CR2: variants seen among roughly 807,000 people sequenced by gnomAD.
CR2 encodes the protein complement C3d receptor 2, also known as complement receptor type 2.
In CR2, 96 loss-of-function variants were observed where a neutral mutation model predicts 123.0. The observed-to-expected ratio is 0.78, with a 90% CI of 0.66 to 0.93. The LOEUF is 0.93. Among genes scored for constraint, CR2 ranks in the 40% least tolerant of loss-of-function variants. The pLI is 0.00. For synonymous variants in CR2, 484 were observed against 469.5 expected, an observed-to-expected ratio of 1.03 and a Z score of -0.40; for missense variants, 1,258 against 1,361.0, an observed-to-expected ratio of 0.92 and a Z score of 1.19.
intron 1 of CR2, among the ~76,000 whole-genome samples, chr1:207,465,397 A>AT (rs1449159243): frequency 2.1e-5 from 2 of 96,536 alleles, no homozygotes; most frequent in Non-Finnish European, 4.4e-5. Flanking sequence ...ATGATTAGAG[A>AT]TTTTTTCATA....
At position 207,468,566 on chromosome 1, in the gene CR2, A is replaced by G. The variant is rs190990627; in HGVS notation, c.485A>G (p.Asn162Ser). Reference sequence around the variant, plus strand: ...TGTCCAGCACTTCCTATGATCCACAATGGACATCACACAAGTGAGAATGTT... The same window carrying G: ...TGTCCAGCACTTCCTATGATCCACAGTGGACATCACACAAGTGAGAATGTT... ...LECPALPMIH[N>S]GHHTSENVGS... Residue 162 changes from asparagine to serine, a missense_variant, in exon 3 of 20, where the codon AAT becomes AGT. By Grantham distance (46) the Asn-to-Ser change is conservative (BLOSUM62 1). Transcript: ENST00000367057. 31 of 1,613,972 alleles carry G rather than the reference A, an allele frequency of 1.9e-5. No individual in the cohort carries two copies. The South Asian group carries it at 2.3e-4, about 12-fold the overall frequency.
At chr1:207,471,385 A>G (rs754918247) in intron 8 of CR2, 38 bp from the exon 9 acceptor site, 4 of 1,498,642 alleles carry the variant, frequency 2.7e-6, no homozygotes, top group South Asian at 1.1e-5. Context: ...CTTAATGGTC[A>G]CCTGATGGCA....
At chr1:207,467,533 A>G (rs1658136414) in intron 2 of CR2, among the ~76,000 whole-genome samples, 1 of 152,202 alleles carries the variant, frequency 6.6e-6, no homozygotes, top group Admixed American at 6.5e-5. Flanking sequence ...GAATTCCACA[A>G]TTACAAGAAA....
At chr1:207,464,896 T>TA (rs1344679576) in intron 1 of CR2, among the ~76,000 whole-genome samples, 3 of 152,082 alleles carry the variant, frequency 2.0e-5, no homozygotes, top group African/African-American at 7.2e-5. Flanking sequence ...GTTTTCTAGT[T>TA]AAAGAGTTTT....
intron 1 of CR2, among the ~76,000 whole-genome samples, chr1:207,464,445 A>T (rs1658042777): frequency 6.6e-6 from 1 of 152,168 alleles, no homozygotes; most frequent in African/African-American, 2.4e-5. Context: ...CAGCAGGGAG[A>T]GGGGTTTGCT....
intron 1 of CR2, among the ~76,000 whole-genome samples, chr1:207,458,059 A>AACACACACACAC (rs59735642): frequency 0.21 from 25,385 of 122,256 alleles, 3,091 homozygotes; most frequent in East Asian, 0.25. Flanking sequence ...TCAAGGCCAC[A>AACACACACACAC]ACACACACAC....
intron 16 of CR2, among the ~76,000 whole-genome samples, chr1:207,478,409 C>T (rs1658501970): frequency 6.7e-6 from 1 of 149,750 alleles, no homozygotes; most frequent in African/African-American, 2.5e-5. Context: ...GCACCTGTGG[C>T]CCCAGCTACT....
At chr1:207,474,413 GTCT>G in intron 13 of CR2, 90 bp downstream of exon 13, 6 of 937,500 alleles carry the variant, frequency 6.4e-6, no homozygotes, top group Non-Finnish European at 1.1e-5. Flanking sequence ...TGCTTCAGCA[GTCT>G]TAGGCGTCTC....
chr1:207,479,867 G>A, intron 17 of CR2, 111 bp from the exon 18 acceptor site: 1 of 788,438 alleles, frequency 1.3e-6, no homozygotes, highest in Non-Finnish European at 2.3e-6. Context: ...GAAGAGTTAA[G>A]TATGAGTCAC....
At position 207,475,102 on chromosome 1, in the gene CR2, A is replaced by G. The variant is rs1346833040; in HGVS notation, c.2602A>G (p.Asn868Asp). The G allele has an allele frequency of 6.2e-7, 1 of 1,612,488 alleles. No homozygotes were observed. Among genetic ancestry groups the G allele is most frequent in the South Asian group, 1.1e-5 (1 of 90,874 alleles). The change falls in exon 14 of 20, where the codon AAT (asparagine) becomes GAT (aspartate). Residue 868 changes from asparagine to aspartate, a missense_variant. By Grantham distance (23) the Asn-to-Asp change is conservative (BLOSUM62 1). Coordinates refer to ENST00000367057, the MANE Select transcript of CR2 (RefSeq NM_001006658.3). ...TAAAACACATTCTGCATATTCCCAC[A>G]ATGACATAGTGTATGTTGACTGCAA... ...LNKTHSAYSH[N>D]DIVYVDCNPG...
Position 207,488,312 on chromosome 1 carries a change from T to G in CR2, c.*19-830T>G, listed in dbSNP as rs796561943. The stretch of plus-strand genomic sequence containing the variant: ...AGCTCATGCCTGAGTTTAAACTGCT[T>G]TCTCCTACATAATCTAGAAAATAAA... On this transcript the variant is annotated intron_variant, in intron 19 of 19. Coordinates refer to ENST00000367057, the MANE Select transcript of CR2 (RefSeq NM_001006658.3). Among the ~76,000 whole-genome samples the G allele has an allele frequency of 5.3e-5, 8 of 152,314 alleles. 1 individual carries two copies. Among genetic ancestry groups the G allele is most frequent in the African/African-American group, 1.9e-4 (8 of 41,570 alleles).
In CR2 at chr1:207,470,043, A is replaced by G. The variant is rs778240499; in HGVS notation, c.1166A>G (p.Lys389Arg). 4 of 1,613,904 alleles carry G rather than the reference A, an allele frequency of 2.5e-6. No homozygotes were observed. The African/African-American group carries it at 5.3e-5, about 22-fold the overall frequency. The stretch of plus-strand genomic sequence containing the variant: ...TTTGGCTTCACCTTGAAGGGCAGCA[A>G]GCAAATCCGATGCAATGCCCAAGGC... ...CMFGFTLKGS[K>R]QIRCNAQGTW... Residue 389 changes from lysine to arginine, a missense_variant, in exon 6 of 20, where the codon AAG (lysine) becomes AGG (arginine). Lys to Arg is a conservative substitution (Grantham distance 26, BLOSUM62 2). Transcript: ENST00000367057.
At chr1:207,478,294 A>T (rs1457171794) in intron 16 of CR2, among the ~76,000 whole-genome samples, 1 of 152,002 alleles carries the variant, frequency 6.6e-6, no homozygotes, top group Admixed American at 6.6e-5. Flanking sequence ...AGGCTGAGGC[A>T]GGAGGATTGC....
At chr1:207,487,323 G>A (rs886905790) in intron 19 of CR2, among the ~76,000 whole-genome samples, 1 of 152,142 alleles carries the variant, frequency 6.6e-6, no homozygotes, top group African/African-American at 2.4e-5. Flanking sequence ...GTCTCACTCT[G>A]TCGCCCAGGC....
chr1:207,481,802 T>C (rs959909002), intron 18 of CR2, among the ~76,000 whole-genome samples: 27 of 152,118 alleles, frequency 1.8e-4, no homozygotes, highest in African/African-American at 6.0e-4. Context: ...TTTGGTTATG[T>C]CTTATAAGTA....
chr1:207,468,950 G>C, intron 4 of CR2, 51 bp downstream of exon 4: 3 of 1,584,036 alleles, frequency 1.9e-6, no homozygotes, highest in Non-Finnish European at 2.6e-6. Context: ...TTGTGTGTGC[G>C]TGGTGTGGAC....
Position 207,470,844 on chromosome 1 carries a change from G to A in CR2, c.1330G>A (p.Val444Met). 3.7e-6 allele frequency: 6 copies of A among 1,613,952 alleles called. No individual in the cohort carries two copies. Among genetic ancestry groups the A allele is most frequent in the Non-Finnish European group, 3.4e-6 (4 of 1,179,904 alleles). ...AAAATATAGCTGTAACCCTGGCTAT[G>A]TGCTGGTGGGAGAAGAATCCATACA... ...SIKYSCNPGY[V>M]LVGEESIQCT... is the part of the protein sequence containing the mutation. Residue 444 changes from valine (V) to methionine (M), a missense_variant, in exon 7 of 20, where the codon GTG becomes ATG. Physicochemically the swap from Val to Met is conservative, Grantham distance 21. Transcript: ENST00000367057.
chr1:207,468,517 G>T lies in CR2; in HGVS notation c.446-10G>T, dbSNP rs1422635726. On this transcript the variant is annotated splice_polypyrimidine_tract_variant and intron_variant, in intron 2 of 19. Transcript: ENST00000367057. Reference sequence around the variant, plus strand: ...TGACGGCTTTTTTTTCCTGGTATGTGTGTGTAAAGTTTTCCCTCTCGAGTG... The same window carrying T: ...TGACGGCTTTTTTTTCCTGGTATGTTTGTGTAAAGTTTTCCCTCTCGAGTG... 9 of 1,613,534 alleles carry T rather than the reference G, an allele frequency of 5.6e-6. No homozygotes were observed. Among genetic ancestry groups the T allele is most frequent in the African/African-American group, 5.3e-5 (4 of 74,834 alleles).
At chr1:207,479,893 C>T in intron 17 of CR2, 85 bp from the exon 18 acceptor site, 1 of 962,460 alleles carries the variant, frequency 1.0e-6, no homozygotes, top group Non-Finnish European at 1.7e-6. Context: ...ATTTTCCCCA[C>T]CACTAGCAAT....
Sources: allele counts gnomAD v4.1 joint callset (sites outside exome capture counted in the v4.1 genomes callset), GRCh38; gene constraint gnomAD v4.1.1; transcripts MANE v1.5; gene names NCBI Gene and HGNC (gene_info 2026-07-23, HGNC 2026-07-21).